RORA: variants seen among roughly 807,000 people sequenced by gnomAD.
RORA encodes the protein nuclear receptor ROR-alpha.
RORA carries 7 observed loss-of-function variants against 69.5 expected under a neutral mutation model. The ratio of observed to expected loss-of-function variants is 0.10; its 90% CI spans 0.06 to 0.19. The LOEUF (loss-of-function observed/expected upper bound fraction) is 0.19, where lower values mean the gene tolerates loss of function less well. RORA is among the 10% of genes least tolerant of loss of function. RORA has a pLI of 1.00. For missense variants in RORA, 457 were observed against 663.0 expected (o/e 0.69, Z 3.41); for synonymous variants, 261 against 240.8 (o/e 1.08, Z -0.78).
intron 1 of RORA, among the ~76,000 whole-genome samples, chr15:60,837,176 C>T (rs567656598): frequency 1.3e-4 from 20 of 152,184 alleles, no homozygotes; most frequent in African/African-American, 4.1e-4. Flanking sequence ...CGCACCCCCT[C>T]GTTGACTTTT....
chr15:60,786,624 T>G (rs1257201442), intron 1 of RORA, among the ~76,000 whole-genome samples: 1 of 152,214 alleles, frequency 6.6e-6, no homozygotes, highest in Non-Finnish European at 1.5e-5. Context: ...GAAATAGGGC[T>G]ACTGAGCAGC....
rs908985335 is a variant in RORA, at chr15:60,623,458, T to A, written c.196+55199A>T. On this transcript the variant is annotated intron_variant, in intron 2 of 10. Coordinates refer to ENST00000335670, the MANE Select transcript of RORA (RefSeq NM_134261.3). The stretch of plus-strand genomic sequence containing the variant: ...GCAGCTAATATTTACCCAGGGCTGA[T>A]ATACCCTAGGCACTTGTCTAACTAC... Among the ~76,000 whole-genome samples the A allele has an allele frequency of 4.6e-5, 7 of 152,360 alleles. No homozygotes were observed. In the East Asian group the frequency reaches 1.3e-3, roughly 29 times the overall value.
At chr15:60,652,202 G>A (rs116466509) in intron 2 of RORA, among the ~76,000 whole-genome samples, 1,886 of 151,590 alleles carry the variant, frequency 0.012, 36 homozygotes, top group African/African-American at 0.043. Context: ...TTAAATCCTC[G>A]CCCTGCTATT....
intron 2 of RORA, among the ~76,000 whole-genome samples, chr15:60,597,551 CATATATATATATATATATATAT>C (rs1203238304): frequency 0.069 from 1,691 of 24,432 alleles, 82 homozygotes; most frequent in East Asian, 0.13. Flanking sequence ...ACACACACAA[CATATATATATATATATATATAT>C]ACACATATAT....
intron 2 of RORA, among the ~76,000 whole-genome samples, chr15:60,670,596 A>C (rs1344518304): frequency 6.6e-6 from 1 of 152,190 alleles, no homozygotes; most frequent in African/African-American, 2.4e-5. Context: ...GGAGACATAC[A>C]AAATCAAGAA....
Position 60,496,398 on chromosome 15 carries a change from T to G in RORA, c.*1057A>C, listed in dbSNP as rs1347519800. The G allele has an allele frequency of 6.6e-6, 1 of 151,990 alleles. No individual in the cohort carries two copies. Among genetic ancestry groups the G allele is most frequent in the African/African-American group, 2.4e-5 (1 of 41,370 alleles). The allele number at this position is 151,990 out of a possible 1,614,324, so 9.4% of individuals were successfully genotyped here. On this transcript the variant is annotated 3_prime_UTR_variant, in exon 11 of 11. Coordinates refer to ENST00000335670, the MANE Select transcript of RORA (RefSeq NM_134261.3). The surrounding 1 kb of genome is among the most constrained non-coding windows in gnomAD (Gnocchi z 4.5). ...GAGTCCATATTTAACTACTGAATTGTGTAAAATGAGCTTCTCCTCCCCCTC... is the reference window on the plus strand; with the variant it reads ...GAGTCCATATTTAACTACTGAATTGGGTAAAATGAGCTTCTCCTCCCCCTC...
At chr15:60,823,134 CT>C (rs200540573) in intron 1 of RORA, among the ~76,000 whole-genome samples, 44,028 of 129,132 alleles carry the variant, frequency 0.34, 6,783 homozygotes, top group Admixed American at 0.48. Flanking sequence ...CTCTCTCTTT[CT>C]TTTTTTCTCC....
chr15:61,024,222 T>C (rs927874004), intron 1 of RORA, among the ~76,000 whole-genome samples: 1 of 151,136 alleles, frequency 6.6e-6, no homozygotes, highest in Non-Finnish European at 1.5e-5. Flanking sequence ...TTAAAAAAAT[T>C]ATACAAGTAG....
At chr15:60,611,459 A>G (rs1375218718) in intron 2 of RORA, among the ~76,000 whole-genome samples, 2 of 150,058 alleles carry the variant, frequency 1.3e-5, no homozygotes, top group African/African-American at 4.9e-5. Context: ...TTCTAGTGAT[A>G]TGAAAATGCA....
At chr15:60,603,964 G>A (rs1278495949) in intron 2 of RORA, among the ~76,000 whole-genome samples, 3 of 151,780 alleles carry the variant, frequency 2.0e-5, no homozygotes, top group Non-Finnish European at 2.9e-5. Flanking sequence ...GTGAAACCCC[G>A]TCTCTACTGA....
Position 61,125,907 on chromosome 15 carries a change from C to A in RORA, c.166+103146G>T, listed in dbSNP as rs149899468. On this transcript the variant is annotated intron_variant, in intron 1 of 10. Transcript: ENST00000335670. ...TCCTGTGAGCAGGATTGTATTGCCA[C>A]AGGAATGGTGGCATAGGATCCAGAA... is the stretch of plus-strand genomic sequence containing the variant. 1.9e-3 allele frequency among the ~76,000 whole-genome samples: 283 copies of A among 152,344 alleles called. 2 individuals are homozygous for A. The highest frequency in any genetic ancestry group is 6.4e-3 in the African/African-American group (264 of 41,572).
chr15:60,927,820 T>C (rs1892260337), intron 1 of RORA, among the ~76,000 whole-genome samples: 1 of 152,150 alleles, frequency 6.6e-6, no homozygotes, highest in Admixed American at 6.5e-5. Flanking sequence ...ACCTAATCCC[T>C]GCAGAATGCA....
chr15:60,555,285 C>T (rs1318164439), intron 2 of RORA, among the ~76,000 whole-genome samples: 1 of 152,076 alleles, frequency 6.6e-6, no homozygotes, highest in Non-Finnish European at 1.5e-5. Context: ...CTTGTAGTTG[C>T]CTTGCTAAGT....
At chr15:61,042,634 T>TGAGC (rs1896835335) in intron 1 of RORA, among the ~76,000 whole-genome samples, 1 of 152,238 alleles carries the variant, frequency 6.6e-6, no homozygotes, top group Non-Finnish European at 1.5e-5. Context: ...CTTAGCTGGC[T>TGAGC]GAGCGGACAC....
chr15:60,507,386 C>T (rs2065542124), intron 5 of RORA, among the ~76,000 whole-genome samples: 1 of 152,106 alleles, frequency 6.6e-6, no homozygotes, highest in Admixed American at 6.6e-5. Context: ...GAAAACAGAG[C>T]AGGTTCACCT....
rs115320265 is a variant in RORA, at chr15:61,135,680, G to A, written c.166+93373C>T. On this transcript the variant is annotated intron_variant, in intron 1 of 10. Coordinates refer to ENST00000335670, the MANE Select transcript of RORA (RefSeq NM_134261.3). The stretch of plus-strand genomic sequence containing the variant: ...ATCCCCCTGCAGAGCTGCTTTTGCC[G>A]GGTACCAGGGAAGCAGAGAGCAGGA... Among the ~76,000 whole-genome samples the A allele has an allele frequency of 8.0e-3, 1,220 of 151,846 alleles. 12 individuals are homozygous for A. The highest frequency in any genetic ancestry group is 0.028 in the African/African-American group (1,152 of 41,380).
chr15:61,074,151 T>C (rs1001895945), intron 1 of RORA, among the ~76,000 whole-genome samples: 7 of 152,168 alleles, frequency 4.6e-5, no homozygotes, highest in African/African-American at 1.7e-4. Context: ...CCCACCATCA[T>C]GCCAACACAC....
chr15:60,866,255 A>G (rs7182820), intron 1 of RORA, among the ~76,000 whole-genome samples: 2,276 of 152,224 alleles, frequency 0.015, 66 homozygotes, highest in African/African-American at 0.051. Context: ...CTCCATCTGC[A>G]TGAGTTCAAG....
intron 1 of RORA, among the ~76,000 whole-genome samples, chr15:60,963,486 A>G (rs1443916771): frequency 6.6e-6 from 1 of 152,200 alleles, no homozygotes; most frequent in Non-Finnish European, 1.5e-5. Context: ...TTGGGCCTAG[A>G]GCAATTATCT....
Sources: gnomAD v4.1 joint callset for allele counts (sites outside exome capture counted in the v4.1 genomes callset) on GRCh38, gnomAD v4.1.1 for gene constraint, Gnocchi (gnomAD v3.1) non-coding constraint, MANE v1.5 for transcripts, NCBI Gene and HGNC (gene_info 2026-07-23, HGNC 2026-07-21) for gene names.